Variants in UNC79 observed in about 807,000 individuals in gnomAD.
The protein encoded by UNC79 is protein unc-79 homolog.
UNC79 carries 37 observed loss-of-function variants against 283.1 expected under a neutral mutation model. That is an observed-to-expected ratio of 0.13 (90% CI 0.10 to 0.17). UNC79 has a LOEUF of 0.17. Among genes scored for constraint, UNC79 ranks in the 10% least tolerant of loss-of-function variants. The pLI is 1.00. For synonymous variants in UNC79, 1,107 were observed against 1,200.2 expected, an observed-to-expected ratio of 0.92 and a Z score of 1.61; for missense variants, 2,272 against 3,211.1, an observed-to-expected ratio of 0.71 and a Z score of 7.07.
At chr14:93,670,187 G>A (rs936069629) in intron 40 of UNC79, among the ~76,000 whole-genome samples, 2 of 152,178 alleles carry the variant, frequency 1.3e-5, no homozygotes, top group African/African-American at 2.4e-5. Context: ...GTGATCAAAT[G>A]TGTGGAGATT....
At chr14:93,446,032 G>A (rs1201566360) in intron 1 of UNC79, among the ~76,000 whole-genome samples, 1 of 151,826 alleles carries the variant, frequency 6.6e-6, no homozygotes, top group Non-Finnish European at 1.5e-5. Flanking sequence ...GACCTGTCTG[G>A]TTAGAGGTTT....
intron 47 of UNC79, among the ~76,000 whole-genome samples, chr14:93,699,851 A>G (rs1333999548): frequency 6.6e-6 from 1 of 152,146 alleles, no homozygotes; most frequent in Non-Finnish European, 1.5e-5. Flanking sequence ...TATAATTGCC[A>G]TATTTATATT....
At chr14:93,627,577 C>A (rs555673273) in intron 30 of UNC79, among the ~76,000 whole-genome samples, 1 of 152,152 alleles carries the variant, frequency 6.6e-6, no homozygotes, top group Non-Finnish European at 1.5e-5. Context: ...AAAGAACAAG[C>A]CGTGTTGCAC....
chr14:93,578,542 A>G (rs2063598524), intron 18 of UNC79, among the ~76,000 whole-genome samples: 1 of 152,310 alleles, frequency 6.6e-6, no homozygotes, highest in African/African-American at 2.4e-5. Flanking sequence ...AGAATTCCCA[A>G]ATACTCCTCC....
intron 35 of UNC79, among the ~76,000 whole-genome samples, chr14:93,651,062 G>A (rs2070193231): frequency 6.6e-6 from 1 of 152,088 alleles, no homozygotes; most frequent in Admixed American, 6.5e-5. Flanking sequence ...TTGGATCACT[G>A]TGGTGCCTGT....
At chr14:93,400,067 CA>C (rs1212184097) in intron 1 of UNC79, among the ~76,000 whole-genome samples, 1 of 152,124 alleles carries the variant, frequency 6.6e-6, no homozygotes, top group East Asian at 1.9e-4. Flanking sequence ...CCCTATTTGC[CA>C]TTGATATATC....
chr14:93,501,618 G>A (rs1200493814), intron 7 of UNC79, among the ~76,000 whole-genome samples: 1 of 152,008 alleles, frequency 6.6e-6, no homozygotes, highest in Non-Finnish European at 1.5e-5. Context: ...AACCCAGGAG[G>A]CGGAGGTTGC....
At chr14:93,612,691 T>G in intron 26 of UNC79, 106 bp from the exon 28 acceptor site, 2 of 1,464,346 alleles carry the variant, frequency 1.4e-6, no homozygotes, top group Non-Finnish European at 1.8e-6. Context: ...AGCAGAAAAT[T>G]TTGTAGACGC....
chr14:93,673,847 T>A (rs1441111103), intron 41 of UNC79, among the ~76,000 whole-genome samples: 2 of 151,956 alleles, frequency 1.3e-5, no homozygotes, highest in Non-Finnish European at 2.9e-5. Context: ...TGAGTATGGG[T>A]GATCCCTGAA....
chr14:93,526,955 A>C (rs1056280690), intron 8 of UNC79, among the ~76,000 whole-genome samples: 1 of 152,216 alleles, frequency 6.6e-6, no homozygotes, highest in Non-Finnish European at 1.5e-5. Flanking sequence ...AAAGCCTAAT[A>C]TCTCTGTGAT....
chr14:93,512,610 A>G (rs1276880935), intron 7 of UNC79, among the ~76,000 whole-genome samples: 1 of 152,280 alleles, frequency 6.6e-6, no homozygotes, highest in East Asian at 1.9e-4. Flanking sequence ...TTAATTTTTC[A>G]AGTTCACTGA....
At chr14:93,530,578 C>T (rs2060764001) in intron 10 of UNC79, among the ~76,000 whole-genome samples, 1 of 152,090 alleles carries the variant, frequency 6.6e-6, no homozygotes, top group South Asian at 2.1e-4. Flanking sequence ...TGCCACTGCA[C>T]TCCAGCCTAG....
chr14:93,515,347 C>A (rs1000226398), intron 7 of UNC79, among the ~76,000 whole-genome samples: 2 of 151,462 alleles, frequency 1.3e-5, no homozygotes, highest in African/African-American at 2.4e-5. Flanking sequence ...ACATATTAAG[C>A]ATAATTATTT....
rs2140232387 is a variant in UNC79, at chr14:93,643,553, G to A, written c.5904-4G>A. ...TGGAAAGCATGTCTCTCTTTTCTTTGCAGATGCCATGACTGTGGGGCCATT... is the reference window on the plus strand; with the variant it reads ...TGGAAAGCATGTCTCTCTTTTCTTTACAGATGCCATGACTGTGGGGCCATT... On this transcript the variant is annotated splice_region_variant and splice_polypyrimidine_tract_variant and intron_variant, in intron 33 of 48. Transcript: ENST00000555664. 1 of 1,613,796 alleles carries A rather than the reference G, an allele frequency of 6.2e-7. No individual in the cohort carries two copies. Among genetic ancestry groups the A allele is most frequent in the East Asian group, 2.2e-5 (1 of 44,890 alleles).
At chr14:93,526,858 A>G (rs1185650111) in intron 8 of UNC79, among the ~76,000 whole-genome samples, 1 of 152,214 alleles carries the variant, frequency 6.6e-6, no homozygotes, top group African/African-American at 2.4e-5. Flanking sequence ...TCACTAAAAA[A>G]GAGGGTAGAA....
chr14:93,677,927 C>T (rs1419786060), intron 41 of UNC79, among the ~76,000 whole-genome samples: 3 of 152,182 alleles, frequency 2.0e-5, no homozygotes, highest in East Asian at 1.9e-4. Context: ...GGATTACAGG[C>T]GTGAGCCACT....
At chr14:93,664,733 T>A (rs138624711) in intron 40 of UNC79, among the ~76,000 whole-genome samples, 82 of 152,256 alleles carry the variant, frequency 5.4e-4, no homozygotes, top group African/African-American at 1.8e-3. Context: ...TTTGAATTTA[T>A]AATATCTGCA....
At chr14:93,692,083 GC>G (rs1246967619) in intron 46 of UNC79, 137 bp downstream of exon 49, 1 of 1,033,444 alleles carries the variant, frequency 9.7e-7, no homozygotes, top group Non-Finnish European at 1.4e-6. Flanking sequence ...TACCTTATAA[GC>G]TGGATGTTCT....
intron 7 of UNC79, among the ~76,000 whole-genome samples, chr14:93,505,868 T>A (rs896342207): frequency 6.6e-6 from 1 of 151,966 alleles, no homozygotes; most frequent in Admixed American, 6.6e-5. Context: ...GACTTATCAG[T>A]GTCCAGTATA....
Sources: allele counts gnomAD v4.1 joint callset (sites outside exome capture counted in the v4.1 genomes callset), GRCh38; gene constraint gnomAD v4.1.1; transcripts MANE v1.5; gene names NCBI Gene and HGNC (gene_info 2026-07-23, HGNC 2026-07-21).